RNF212B: variants seen among roughly 807,000 people sequenced by gnomAD.
RNF212B encodes E3 ubiquitin-protein ligase RNF212B.
In RNF212B, 52 loss-of-function variants were observed where a neutral mutation model predicts 55.5. The ratio of observed to expected loss-of-function variants is 0.94; its 90% CI spans 0.75 to 1.18. The LOEUF is 1.18. RNF212B is among the 50% of genes most tolerant of loss of function. The pLI is 0.00. For synonymous variants in RNF212B, 99 were observed against 121.4 expected, an observed-to-expected ratio of 0.82 and a Z score of 1.21; for missense variants, 289 against 350.4, an observed-to-expected ratio of 0.82 and a Z score of 1.40.
chr14:23,222,808 T>C (rs964973099), intron 2 of RNF212B, among the ~76,000 whole-genome samples: 1 of 151,946 alleles, frequency 6.6e-6, no homozygotes, highest in Non-Finnish European at 1.5e-5. Context: ...ATCCTAGCAC[T>C]TTGGGAGGCT....
intron 2 of RNF212B, among the ~76,000 whole-genome samples, chr14:23,220,403 AC>A (rs1881459851): frequency 6.6e-6 from 1 of 152,006 alleles, no homozygotes; most frequent in African/African-American, 2.4e-5. Context: ...CTGGTGGTGC[AC>A]ACCTGTAGTT....
At chr14:23,198,887 C>T (rs1306891569) in intron 2 of RNF212B, among the ~76,000 whole-genome samples, 1 of 151,894 alleles carries the variant, frequency 6.6e-6, no homozygotes, top group African/African-American at 2.4e-5. Context: ...AGAATGAGCC[C>T]TTGGGTAGTG....
chr14:23,271,075 C>G (rs1203190953), intron 14 of RNF212B, among the ~76,000 whole-genome samples: 1 of 152,122 alleles, frequency 6.6e-6, no homozygotes, highest in Non-Finnish European at 1.5e-5. Flanking sequence ...ATTTATGGGA[C>G]TATGATTCTG....
At chr14:23,260,205 T>C (rs995995737) in intron 6 of RNF212B, among the ~76,000 whole-genome samples, 2 of 152,214 alleles carry the variant, frequency 1.3e-5, no homozygotes, top group Non-Finnish European at 2.9e-5. Context: ...AGCTCTCTTA[T>C]AGAAGAGACA....
chr14:23,266,411 T>TTG (rs1200540446), intron 11 of RNF212B, among the ~76,000 whole-genome samples: 80 of 123,936 alleles, frequency 6.5e-4, no homozygotes, highest in South Asian at 1.4e-3. Flanking sequence ...AATGTTTTTT[T>TTG]TTTTTTTTTT....
chr14:23,201,608 T>C (rs79788596), intron 2 of RNF212B, among the ~76,000 whole-genome samples: 6,829 of 152,320 alleles, frequency 0.045, 163 homozygotes, highest in Middle Eastern at 0.13. Context: ...CTTTAGGGAA[T>C]GTAATATCTT....
At chr14:23,217,675 G>A (rs1239250279) in intron 2 of RNF212B, among the ~76,000 whole-genome samples, 1 of 152,066 alleles carries the variant, frequency 6.6e-6, no homozygotes, top group African/African-American at 2.4e-5. Flanking sequence ...GACCACCAAG[G>A]TGGTACTTCT....
intron 2 of RNF212B, among the ~76,000 whole-genome samples, chr14:23,211,231 A>C (rs1305890582): frequency 6.6e-6 from 1 of 151,800 alleles, no homozygotes; most frequent in Non-Finnish European, 1.5e-5. Flanking sequence ...AAAAAAAAGA[A>C]AGAAAAAGCA....
intron 2 of RNF212B, among the ~76,000 whole-genome samples, chr14:23,198,164 G>C (rs1878920868): frequency 6.6e-6 from 1 of 152,126 alleles, no homozygotes; most frequent in Non-Finnish European, 1.5e-5. Context: ...TGACATTCCT[G>C]CCTTCTTATA....
At chr14:23,237,282 G>T (rs1278088010), upstream of RNF212B, among the ~76,000 whole-genome samples, 1 of 151,858 alleles carries the variant, frequency 6.6e-6, no homozygotes, top group African/African-American at 2.4e-5. Flanking sequence ...GGTGCGTGTC[G>T]CCACACTCGG....
upstream of RNF212B, among the ~76,000 whole-genome samples, chr14:23,234,336 A>T (rs533001975): frequency 4.0e-4 from 61 of 151,844 alleles, no homozygotes; most frequent in South Asian, 6.2e-4. Flanking sequence ...AGTTTTTTTT[A>T]AAATTACTTA....
intron 3 of RNF212B, among the ~76,000 whole-genome samples, chr14:23,243,716 A>AGC (rs1241321816): frequency 2.4e-5 from 3 of 127,392 alleles, no homozygotes; most frequent in African/African-American, 1.1e-4. Flanking sequence ...AAAAAAAAAA[A>AGC]AAAGCAAGCA....
chr14:23,232,036 C>G (rs74840007), intron 2 of RNF212B, among the ~76,000 whole-genome samples: 1 of 152,198 alleles, frequency 6.6e-6, no homozygotes, highest in Non-Finnish European at 1.5e-5. Context: ...CCCAAAGTGC[C>G]GAGATTGCAG....
At chr14:23,267,062 A>G (rs1217730956) in intron 11 of RNF212B, among the ~76,000 whole-genome samples, 1 of 151,914 alleles carries the variant, frequency 6.6e-6, no homozygotes, top group African/African-American at 2.4e-5. Flanking sequence ...TCCACCTTCC[A>G]GGCTTAAGCG....
chr14:23,211,015 C>T (rs928460199), intron 2 of RNF212B, among the ~76,000 whole-genome samples: 14 of 151,276 alleles, frequency 9.3e-5, no homozygotes, highest in Admixed American at 3.3e-4. Flanking sequence ...GTCAGGACTT[C>T]GAGACCAGAC....
At chr14:23,235,995 C>T (rs1883064025), upstream of RNF212B, among the ~76,000 whole-genome samples, 3 of 152,132 alleles carry the variant, frequency 2.0e-5, no homozygotes, top group South Asian at 6.2e-4. Flanking sequence ...TCTGAAAAGG[C>T]CATTTAAATA....
upstream of RNF212B, among the ~76,000 whole-genome samples, chr14:23,234,036 G>T (rs943910403): frequency 6.6e-6 from 1 of 152,160 alleles, no homozygotes; most frequent in African/African-American, 2.4e-5. Flanking sequence ...GGCAGAGGTT[G>T]CAGTGAGCTG....
intron 1 of RNF212B, among the ~76,000 whole-genome samples, chr14:23,240,111 A>T (rs1883457392): frequency 6.6e-6 from 1 of 152,040 alleles, no homozygotes; most frequent in Non-Finnish European, 1.5e-5. Flanking sequence ...ATATACACAC[A>T]CACACATTTA....
At chr14:23,267,092 C>A (rs1299846008) in intron 11 of RNF212B, among the ~76,000 whole-genome samples, 1 of 152,064 alleles carries the variant, frequency 6.6e-6, no homozygotes, top group East Asian at 1.9e-4. Flanking sequence ...CTTCAGCCTC[C>A]TGAGTAGCTA....
Sources: allele counts gnomAD v4.1 joint callset (sites outside exome capture counted in the v4.1 genomes callset), GRCh38; gene constraint gnomAD v4.1.1; transcripts MANE v1.5; gene names NCBI Gene and HGNC (gene_info 2026-07-23, HGNC 2026-07-21).